The following GNB4 variants were observed in gnomAD, a reference collection of about 807,000 sequenced individuals.
GNB4 encodes the protein G protein subunit beta 4, also known as guanine nucleotide-binding protein subunit beta-4.
A neutral mutation model predicts 45.2 loss-of-function variants in GNB4; 28 were observed. The observed-to-expected ratio is 0.62, with a 90% CI of 0.46 to 0.85. The LOEUF is 0.85. Among genes scored for constraint, GNB4 ranks in the 40% least tolerant of loss-of-function variants. The probability of loss-of-function intolerance (pLI) is 0.00; values close to 1 mark genes in which losing one functional copy is unlikely to be tolerated. For missense variants in GNB4, 321 were observed against 425.4 expected (o/e 0.75, Z 2.16); for synonymous variants, 132 against 143.7 (o/e 0.92, Z 0.58).
At chr3:179,484,494 A>AT in the GNB4 span, among the ~76,000 whole-genome samples, 2 of 152,184 alleles carry the variant, frequency 1.3e-5, no homozygotes, top group Admixed American at 1.3e-4. Context: ...GAATTGCCTG[A>AT]TGTGCCAATT....
chr3:179,466,007 G>GT, the GNB4 span, among the ~76,000 whole-genome samples: 228 of 90,896 alleles, frequency 2.5e-3, 1 homozygote, highest in African/African-American at 3.0e-3. Context: ...TCCTCTAGTC[G>GT]TTTTTTTTTT....
chr3:179,401,053 C>T lies in GNB4; in HGVS notation c.*160G>A, dbSNP rs974660283. ...GGCGCCTTTGCCTTTTTTCCTCCAC[C>T]CCCACTTTTTTTTTGGTAGTTTACT... On this transcript the variant is annotated 3_prime_UTR_variant, in exon 10 of 10. Coordinates refer to ENST00000232564, the MANE Select transcript of GNB4 (RefSeq NM_021629.4). 26 of 521,938 alleles carry T rather than the reference C, an allele frequency of 5.0e-5. No homozygotes were observed. Among genetic ancestry groups the T allele is most frequent in the Non-Finnish European group, 8.1e-5 (24 of 294,520 alleles). 32.3% of individuals were successfully genotyped at this position (521,938 alleles called of 1,614,324 possible).
At chr3:179,426,430 G>A (rs1180357971) in intron 1 of GNB4, among the ~76,000 whole-genome samples, 188 bp from the exon 2 acceptor site, 1 of 152,216 alleles carries the variant, frequency 6.6e-6, no homozygotes, top group Non-Finnish European at 1.5e-5. Context: ...TTGTATACAA[G>A]AACATGATCA....
the GNB4 span, among the ~76,000 whole-genome samples, chr3:179,518,461 TC>T: frequency 4.6e-5 from 7 of 152,014 alleles, no homozygotes; most frequent in African/African-American, 1.7e-4. Flanking sequence ...GAGTCTTTCT[TC>T]TTTTGAATCT....
At chr3:179,449,159 G>T (rs986339312) in intron 1 of GNB4, among the ~76,000 whole-genome samples, 1 of 152,274 alleles carries the variant, frequency 6.6e-6, no homozygotes, top group African/African-American at 2.4e-5. Flanking sequence ...CCGCAATCCT[G>T]TTTGTAACCT....
chr3:179,467,259 C>A, the GNB4 span, among the ~76,000 whole-genome samples: 31 of 152,270 alleles, frequency 2.0e-4, no homozygotes, highest in African/African-American at 5.5e-4. Context: ...TAATTCCCCC[C>A]ACTTCAGCCT....
the GNB4 span, among the ~76,000 whole-genome samples, chr3:179,470,416 G>A: frequency 6.6e-6 from 1 of 150,946 alleles, no homozygotes; most frequent in Non-Finnish European, 1.5e-5. Context: ...TGTAGGCCTA[G>A]GCTATTGTTT....
chr3:179,492,473 C>T, the GNB4 span, among the ~76,000 whole-genome samples: 1 of 152,156 alleles, frequency 6.6e-6, no homozygotes, highest in South Asian at 2.1e-4. Context: ...TGCCGTTTCC[C>T]CAGGGCCCGA....
the GNB4 span, among the ~76,000 whole-genome samples, chr3:179,523,150 G>A: frequency 6.6e-6 from 1 of 152,156 alleles, no homozygotes; most frequent in African/African-American, 2.4e-5. Flanking sequence ...CGTAGAAGGG[G>A]TTGGGGCTTG....
At chr3:179,450,305 C>G (rs1715835668) in intron 1 of GNB4, among the ~76,000 whole-genome samples, 1 of 152,166 alleles carries the variant, frequency 6.6e-6, no homozygotes, top group Non-Finnish European at 1.5e-5. Context: ...ATTTTGAATG[C>G]ACCTAATCAG....
chr3:179,496,132 C>T, the GNB4 span, among the ~76,000 whole-genome samples: 1 of 152,044 alleles, frequency 6.6e-6, no homozygotes, highest in East Asian at 1.9e-4. Context: ...ATGATATCTA[C>T]AATTTTTTTA....
chr3:179,428,330 C>T (rs1715204407), intron 1 of GNB4, among the ~76,000 whole-genome samples: 1 of 152,118 alleles, frequency 6.6e-6, no homozygotes, highest in Admixed American at 6.6e-5. Context: ...TTAACCATTC[C>T]CTGATAAAGT....
the GNB4 span, chr3:179,464,962 A>C: frequency 2.6e-6 from 4 of 1,548,652 alleles, no homozygotes; most frequent in Middle Eastern, 1.7e-4. Flanking sequence ...AAAGTGTTGA[A>C]ATGCCCATTG....
intron 1 of GNB4, among the ~76,000 whole-genome samples, chr3:179,439,045 G>A (rs898179710): frequency 5.3e-5 from 8 of 152,088 alleles, no homozygotes; most frequent in African/African-American, 2.4e-5. Flanking sequence ...TCAGCATCAC[G>A]TAGAAACCTG....
chr3:179,499,333 G>C, the GNB4 span, among the ~76,000 whole-genome samples: 1 of 151,988 alleles, frequency 6.6e-6, no homozygotes, highest in African/African-American at 2.4e-5. Flanking sequence ...AGTTCTTTTT[G>C]TATTTTTAGT....
intron 1 of GNB4, among the ~76,000 whole-genome samples, chr3:179,431,630 G>GT (rs1715314745): frequency 6.6e-6 from 1 of 151,530 alleles, no homozygotes; most frequent in African/African-American, 2.4e-5. Context: ...TTATGGTACT[G>GT]TTTAACTTGT....
At chr3:179,465,219 A>G in the GNB4 span, 5 of 1,388,392 alleles carry the variant, frequency 3.6e-6, no homozygotes. Context: ...TTGGTTGGAG[A>G]TGTGGATTTT....
intron 8 of GNB4, among the ~76,000 whole-genome samples, chr3:179,411,682 C>T (rs1714658099): frequency 6.6e-6 from 1 of 152,210 alleles, no homozygotes; most frequent in Non-Finnish European, 1.5e-5. Flanking sequence ...TGCTCTAAAA[C>T]TCTATTATTC....
the GNB4 span, chr3:179,465,455 A>T: frequency 2.8e-6 from 1 of 363,304 alleles, no homozygotes; most frequent in Non-Finnish European, 5.1e-6. Context: ...ATACAAAAAA[A>T]AAAATTAGCC....
Sources: allele counts gnomAD v4.1 joint callset (sites outside exome capture counted in the v4.1 genomes callset), GRCh38; gene constraint gnomAD v4.1.1; transcripts MANE v1.5; gene names NCBI Gene and HGNC (gene_info 2026-07-23, HGNC 2026-07-21).